Variants in ROBO1 observed in about 807,000 individuals in gnomAD.
ROBO1 encodes the protein roundabout homolog 1.
A neutral mutation model predicts 195.9 loss-of-function variants in ROBO1; 149 were observed. The observed-to-expected ratio is 0.76, with a 90% CI of 0.67 to 0.87. ROBO1 has a LOEUF of 0.87. Ranked by LOEUF, ROBO1 falls within the 40% of genes least tolerant of loss-of-function variation. ROBO1 has a pLI of 0.00. For missense variants in ROBO1, 1,933 were observed against 2,068.3 expected, an observed-to-expected ratio of 0.93 and a Z score of 1.27; for synonymous variants, 816 against 733.2, an observed-to-expected ratio of 1.11 and a Z score of -1.82.
chr3:79,360,636 T>A (rs2035733887), intron 2 of ROBO1, among the ~76,000 whole-genome samples: 1 of 151,974 alleles, frequency 6.6e-6, no homozygotes, highest in African/African-American at 2.4e-5. Context: ...TTTACATGGA[T>A]TAGTCACTTT....
chr3:79,106,404 G>A (rs939924459), intron 3 of ROBO1, among the ~76,000 whole-genome samples: 1 of 151,340 alleles, frequency 6.6e-6, no homozygotes, highest in African/African-American at 2.4e-5. Context: ...GTTACAAATG[G>A]TTTCTCTTTC....
At chr3:78,839,280 ATATAATGATGTATCCG>A (rs2032996998) in intron 4 of ROBO1, among the ~76,000 whole-genome samples, 1 of 152,092 alleles carries the variant, frequency 6.6e-6, no homozygotes, top group East Asian at 1.9e-4. Context: ...GTATCATTAC[ATATAATGATGTATCCG>A]TATAATGATG....
intron 1 of ROBO1, among the ~76,000 whole-genome samples, chr3:79,728,174 A>G (rs1458599823): frequency 1.3e-5 from 2 of 152,044 alleles, no homozygotes. Context: ...TTAACTCATA[A>G]CTAAAGACTG....
chr3:79,483,410 T>C (rs1189645749), intron 2 of ROBO1, among the ~76,000 whole-genome samples: 1 of 152,202 alleles, frequency 6.6e-6, no homozygotes, highest in Non-Finnish European at 1.5e-5. Flanking sequence ...TTTGATAAAT[T>C]GCCTCTGAAT....
intron 1 of ROBO1, among the ~76,000 whole-genome samples, chr3:79,681,457 G>T (rs1946945998): frequency 6.6e-6 from 1 of 151,998 alleles, no homozygotes; most frequent in African/African-American, 2.4e-5. Context: ...AGAGGCCACT[G>T]GGAAAGGAAT....
At chr3:79,065,468 T>C (rs1254863436) in intron 3 of ROBO1, among the ~76,000 whole-genome samples, 1 of 151,874 alleles carries the variant, frequency 6.6e-6, no homozygotes, top group Non-Finnish European at 1.5e-5. Context: ...ATAAAGGAAA[T>C]GAGGACTTCT....
At chr3:79,269,075 A>AT (rs1203024330) in intron 2 of ROBO1, among the ~76,000 whole-genome samples, 17 of 151,294 alleles carry the variant, frequency 1.1e-4, no homozygotes, top group East Asian at 3.9e-4. Flanking sequence ...TGGGAGATGA[A>AT]TTTTTTTTTC....
chr3:78,718,923 AT>A (rs1299344930), intron 5 of ROBO1, among the ~76,000 whole-genome samples: 2 of 146,114 alleles, frequency 1.4e-5, no homozygotes, highest in Admixed American at 6.9e-5. Flanking sequence ...ATTCTAGCAC[AT>A]TTTTTTCATA....
intron 3 of ROBO1, among the ~76,000 whole-genome samples, chr3:79,075,372 C>T (rs192547229): frequency 2.0e-5 from 3 of 152,050 alleles, no homozygotes; most frequent in Non-Finnish European, 2.9e-5. Flanking sequence ...TCTGTAATCA[C>T]CTTTTCAAGT....
chr3:79,356,098 T>G (rs2035544398), intron 2 of ROBO1, among the ~76,000 whole-genome samples: 1 of 152,196 alleles, frequency 6.6e-6, no homozygotes, highest in Admixed American at 6.5e-5. Context: ...CCCATTATTT[T>G]GGGAGGCCGA....
At chr3:79,268,561 G>T (rs2030208275) in intron 2 of ROBO1, among the ~76,000 whole-genome samples, 1 of 151,450 alleles carries the variant, frequency 6.6e-6, no homozygotes, top group Admixed American at 6.6e-5. Context: ...CAAATTTACG[G>T]TTTTATCTCA....
intron 1 of ROBO1, among the ~76,000 whole-genome samples, chr3:79,745,249 T>C (rs1210816513): frequency 2.0e-5 from 3 of 152,210 alleles, no homozygotes; most frequent in Non-Finnish European, 4.4e-5. Context: ...GCAGCATTGG[T>C]ATGTATGAGA....
chr3:79,411,434 A>G (rs772754527), intron 2 of ROBO1, among the ~76,000 whole-genome samples: 28 of 151,846 alleles, frequency 1.8e-4, no homozygotes, highest in Non-Finnish European at 3.1e-4. Context: ...TCAACCACCA[A>G]TTGTAAAGTA....
chr3:78,605,228 A>G (rs1703399419), intron 29 of ROBO1, among the ~76,000 whole-genome samples: 1 of 152,282 alleles, frequency 6.6e-6, no homozygotes, highest in Admixed American at 6.5e-5. Context: ...ATAGGACACT[A>G]TTTTCAATAG....
At position 78,631,234 on chromosome 3, in the gene ROBO1, G is replaced by A. The variant is rs774045133; in HGVS notation, c.3553C>T (p.Leu1185=). ...PKQGGMNWAD[L]LPPPPAHPPP... ...GGATGTGCTGGGGGAGGAGGAAGCA[G>A]GTCTGCCCAGTTCATGCCACCCTGT... The change falls in exon 25 of 31, where the codon CTG becomes TTG. Residue 1185 remains leucine (L), a synonymous_variant. Coordinates refer to ENST00000464233, the MANE Select transcript of ROBO1 (RefSeq NM_002941.4). 6.2e-7 allele frequency: 1 copy of A among 1,613,428 alleles called. No homozygotes were observed. The highest frequency in any genetic ancestry group is 8.5e-7 in the Non-Finnish European group (1 of 1,179,662).
At chr3:79,040,241 C>T (rs2078461522) in intron 3 of ROBO1, among the ~76,000 whole-genome samples, 1 of 152,252 alleles carries the variant, frequency 6.6e-6, no homozygotes, top group Non-Finnish European at 1.5e-5. Flanking sequence ...GGATGTACGT[C>T]GCATCAATGG....
At position 79,471,696 on chromosome 3, in the gene ROBO1, C is replaced by T. The variant is rs547677355; in HGVS notation, c.88+118128G>A. ...TTTTGTCACGCTTAAAAATATCCAT[C>T]AATGATACACTGGATAAAGAAAATG... On this transcript the variant is annotated intron_variant, in intron 2 of 30. Transcript: ENST00000464233. 2.6e-5 allele frequency among the ~76,000 whole-genome samples: 4 copies of T among 152,110 alleles called. No individual in the cohort carries two copies. In the South Asian group the frequency reaches 8.3e-4, roughly 32 times the overall value.
At chr3:79,004,583 G>C (rs551540528) in intron 3 of ROBO1, among the ~76,000 whole-genome samples, 3 of 152,168 alleles carry the variant, frequency 2.0e-5, no homozygotes, top group Admixed American at 6.6e-5. Flanking sequence ...GGACAGCTAA[G>C]GTTTACCGGA....
chr3:78,896,889 A>G (rs2037270560), intron 4 of ROBO1, among the ~76,000 whole-genome samples: 1 of 152,164 alleles, frequency 6.6e-6, no homozygotes, highest in African/African-American at 2.4e-5. Context: ...TATCTGCTGC[A>G]TACACCACTA....
Sources: allele counts gnomAD v4.1 joint callset (sites outside exome capture counted in the v4.1 genomes callset), GRCh38; gene constraint gnomAD v4.1.1; transcripts MANE v1.5; gene names NCBI Gene and HGNC (gene_info 2026-07-23, HGNC 2026-07-21).